The following RASSF8 variants were observed in gnomAD, a reference collection of about 807,000 sequenced individuals.
RASSF8 encodes ras association domain-containing protein 8.
RASSF8 carries 22 observed loss-of-function variants against 48.5 expected under a neutral mutation model. The ratio of observed to expected loss-of-function variants is 0.45; its 90% CI spans 0.32 to 0.65. RASSF8 has a LOEUF of 0.65. Ranked by LOEUF, RASSF8 falls within the 30% of genes least tolerant of loss-of-function variation. The pLI is 0.03. For synonymous variants in RASSF8, 127 were observed against 171.5 expected, an observed-to-expected ratio of 0.74 and a Z score of 2.03; for missense variants, 418 against 489.2, an observed-to-expected ratio of 0.85 and a Z score of 1.37.
chr12:26,057,796 C>G (rs1004320002), intron 3 of RASSF8, among the ~76,000 whole-genome samples: 3 of 152,136 alleles, frequency 2.0e-5, no homozygotes, highest in African/African-American at 7.2e-5. Context: ...TCTGTTGTTT[C>G]CTGACTTTTT....
At chr12:26,026,468 C>T (rs1189885699) in intron 2 of RASSF8, among the ~76,000 whole-genome samples, 2 of 152,140 alleles carry the variant, frequency 1.3e-5, no homozygotes, top group Non-Finnish European at 2.9e-5. Flanking sequence ...TGGAGTCTCG[C>T]TTTGTTGCTC....
At chr12:26,001,220 A>T (rs1267396687) in intron 2 of RASSF8, among the ~76,000 whole-genome samples, 1 of 144,784 alleles carries the variant, frequency 6.9e-6, no homozygotes, top group African/African-American at 2.5e-5. Context: ...TTTTTTGTAG[A>T]AACAAGGTCT....
chr12:26,076,884 G>A (rs1944077353), downstream of RASSF8, among the ~76,000 whole-genome samples: 1 of 152,228 alleles, frequency 6.6e-6, no homozygotes, highest in Non-Finnish European at 1.5e-5. Flanking sequence ...CCCACCAACA[G>A]TGTAAAAGTG....
At chr12:25,963,907 A>C (rs1019666188) in intron 1 of RASSF8, among the ~76,000 whole-genome samples, 2 of 152,154 alleles carry the variant, frequency 1.3e-5, no homozygotes, top group African/African-American at 4.8e-5. Flanking sequence ...TTGTTCCTAC[A>C]TTTCCCCACT....
chr12:26,040,425 G>T (rs954534048), intron 2 of RASSF8, among the ~76,000 whole-genome samples: 1 of 152,200 alleles, frequency 6.6e-6, no homozygotes, highest in Non-Finnish European at 1.5e-5. Flanking sequence ...GGGGAGTGGT[G>T]AAGTGGCATC....
At chr12:25,964,043 G>A (rs1357695371) in intron 1 of RASSF8, among the ~76,000 whole-genome samples, 2 of 152,188 alleles carry the variant, frequency 1.3e-5, no homozygotes, top group African/African-American at 4.8e-5. Flanking sequence ...GGGCACACCA[G>A]GTGATTTGCC....
At position 26,024,960 on chromosome 12, in the gene RASSF8, A is replaced by G. The variant is rs557599730; in HGVS notation, c.-109+29830A>G. ...GGCAACAGAGCGAGACTCCGTCTCA[A>G]AAAAAAAAGTCAATTTAATACACTA... On this transcript the variant is annotated intron_variant, in intron 2 of 5. Coordinates refer to ENST00000689635, the MANE Select transcript of RASSF8 (RefSeq NM_001394098.1). Among the ~76,000 whole-genome samples the G allele has an allele frequency of 4.8e-4, 73 of 151,614 alleles. 1 individual carries two copies. The highest frequency in any genetic ancestry group is 8.0e-4 in the Non-Finnish European group (54 of 67,818).
chr12:25,989,305 C>T (rs1448147046), intron 1 of RASSF8, among the ~76,000 whole-genome samples: 1 of 152,162 alleles, frequency 6.6e-6, no homozygotes, highest in Non-Finnish European at 1.5e-5. Flanking sequence ...GATGTGTGTT[C>T]TATAGTGAAA....
chr12:25,991,346 CTA>C (rs1300514238), intron 1 of RASSF8, among the ~76,000 whole-genome samples: 2 of 151,706 alleles, frequency 1.3e-5, no homozygotes, highest in African/African-American at 4.8e-5. Context: ...TTGCTATAAA[CTA>C]TTTAATTTAA....
intron 3 of RASSF8, among the ~76,000 whole-genome samples, chr12:26,058,021 G>A (rs767256339): frequency 1.1e-4 from 16 of 152,134 alleles, no homozygotes; most frequent in Non-Finnish European, 2.2e-4. Context: ...GAAAATGCCC[G>A]GAGGTACCAT....
At chr12:26,078,811 G>A (rs542391498) in intron 5 of RASSF8, among the ~76,000 whole-genome samples, 5 of 152,072 alleles carry the variant, frequency 3.3e-5, no homozygotes, top group African/African-American at 1.2e-4. Context: ...CTAAAGATAT[G>A]TATTTTTAAA....
chr12:25,977,197 A>G (rs994576839), intron 1 of RASSF8, among the ~76,000 whole-genome samples: 20 of 152,182 alleles, frequency 1.3e-4, no homozygotes, highest in Admixed American at 5.2e-4. Flanking sequence ...TTAAGTCATT[A>G]CACCACAGCC....
chr12:26,020,776 TAC>T (rs1361960827), intron 2 of RASSF8, among the ~76,000 whole-genome samples: 2 of 152,174 alleles, frequency 1.3e-5, no homozygotes, highest in Admixed American at 6.5e-5. Context: ...AATAAAAAAA[TAC>T]AGTCTGTGAA....
chr12:26,011,555 TC>T (rs1942525385), intron 2 of RASSF8, among the ~76,000 whole-genome samples: 1 of 151,888 alleles, frequency 6.6e-6, no homozygotes, highest in African/African-American at 2.4e-5. Flanking sequence ...TCTCCCCCAT[TC>T]CCCCCGAATT....
At chr12:26,021,253 A>T (rs1469604766) in intron 2 of RASSF8, among the ~76,000 whole-genome samples, 1 of 152,224 alleles carries the variant, frequency 6.6e-6, no homozygotes, top group Admixed American at 6.5e-5. Flanking sequence ...ACATATATTT[A>T]AGAAAATCTA....
At position 26,070,963 on chromosome 12, in the gene RASSF8, G is replaced by T; in HGVS notation, c.*2145G>T. 1 of 984,336 alleles carries T rather than the reference G, an allele frequency of 1.0e-6. No individual in the cohort carries two copies. The highest frequency in any genetic ancestry group is 4.7e-5 in the South Asian group (1 of 21,258). The allele number at this position is 984,336 out of a possible 1,614,324, so 61.0% of individuals were successfully genotyped here. A position where few individuals can be genotyped will look rare whatever the true frequency, so the allele number is the denominator to read the frequency against. On this transcript the variant is annotated 3_prime_UTR_variant, in exon 6 of 6. Transcript: ENST00000689635. The stretch of plus-strand genomic sequence containing the variant: ...CATCCTAGCAACTTGTAGTAGTCTT[G>T]GGTTCCCAGCAGAGTATCACAGTTA...
chr12:26,023,778 TA>T (rs1037622411), intron 2 of RASSF8, among the ~76,000 whole-genome samples: 4 of 152,084 alleles, frequency 2.6e-5, no homozygotes, highest in African/African-American at 9.7e-5. Flanking sequence ...AAAGAAATTA[TA>T]AAAAAAGTAT....
intron 1 of RASSF8, among the ~76,000 whole-genome samples, chr12:25,972,522 T>G (rs1033346717): frequency 1.3e-5 from 2 of 152,196 alleles, no homozygotes; most frequent in Non-Finnish European, 2.9e-5. Context: ...AATTATTGTA[T>G]AGGCTCCAGA....
intron 1 of RASSF8, among the ~76,000 whole-genome samples, chr12:25,976,878 C>T (rs146809661): frequency 1.3e-5 from 2 of 152,150 alleles, no homozygotes; most frequent in Non-Finnish European, 2.9e-5. Context: ...AGCCTAACAC[C>T]ACATGCTTGG....
Sources: gnomAD v4.1 joint callset for allele counts (sites outside exome capture counted in the v4.1 genomes callset) on GRCh38, gnomAD v4.1.1 for gene constraint, MANE v1.5 for transcripts, NCBI Gene and HGNC (gene_info 2026-07-23, HGNC 2026-07-21) for gene names.